Variants in MADD observed in about 807,000 individuals in gnomAD.
The protein encoded by MADD is MAP kinase-activating death domain protein.
Under a neutral mutation model 176.7 loss-of-function variants are expected in MADD, and 109 were observed. That is an observed-to-expected ratio of 0.62 (90% CI 0.53 to 0.72). MADD has a LOEUF of 0.72. MADD is among the 30% of genes least tolerant of loss of function. The pLI is 0.00. For synonymous variants in MADD, 771 were observed against 771.3 expected, an observed-to-expected ratio of 1.00 and a Z score of 0.01; for missense variants, 1,914 against 2,045.5, an observed-to-expected ratio of 0.94 and a Z score of 1.24.
chr11:47,301,970 G>A (rs2078098667), intron 22 of MADD, among the ~76,000 whole-genome samples: 1 of 152,152 alleles, frequency 6.6e-6, no homozygotes, highest in Non-Finnish European at 1.5e-5. Context: ...GGTCTAAAAT[G>A]CAATCTAAAT....
At chr11:47,308,386 A>G (rs746060000) in intron 22 of MADD, among the ~76,000 whole-genome samples, 1 of 152,238 alleles carries the variant, frequency 6.6e-6, no homozygotes, top group Non-Finnish European at 1.5e-5. Flanking sequence ...AGGAGTAAAG[A>G]TAAGTCAAAA....
rs1036369742 is a variant in MADD, at chr11:47,293,129, C to A, written c.3302-754C>A. ...TAGGATGGAGGTAGGCAGTGCCCAC[C>A]AAAACAGCTGGTGTTTCTTATCTCA... On this transcript the variant is annotated intron_variant, in intron 19 of 32. Transcript: ENST00000402192. 2.0e-5 allele frequency among the ~76,000 whole-genome samples: 3 copies of A among 152,034 alleles called. 1 individual carries two copies. Among genetic ancestry groups the A allele is most frequent in the Non-Finnish European group, 4.4e-5 (3 of 68,006 alleles).
At chr11:47,281,288 G>C (rs1199761438) in intron 7 of MADD, among the ~76,000 whole-genome samples, 1 of 152,184 alleles carries the variant, frequency 6.6e-6, no homozygotes, top group East Asian at 1.9e-4. Context: ...CGACTGTCGT[G>C]GACTTCAGAT....
At chr11:47,304,758 C>A (rs1000110179) in intron 22 of MADD, among the ~76,000 whole-genome samples, 1 of 151,868 alleles carries the variant, frequency 6.6e-6, no homozygotes, top group Non-Finnish European at 1.5e-5. Context: ...TCATTGGGGT[C>A]TATTACCAAA....
chr11:47,329,517 T>C (rs2095813920), exon 33 of MADD: 1 of 199,020 alleles, frequency 5.0e-6, no homozygotes, highest in Non-Finnish European at 1.0e-5. Flanking sequence ...CCCTTCTCTG[T>C]GACCCGGCAT....
intron 31 of MADD, chr11:47,327,284 G>T: frequency 6.0e-6 from 6 of 992,412 alleles, no homozygotes; most frequent in Non-Finnish European, 7.2e-6. Flanking sequence ...TCACTTGAGG[G>T]ACAGAGGAGT....
intron 27 of MADD, among the ~76,000 whole-genome samples, chr11:47,320,872 G>C (rs1044348478): frequency 6.6e-6 from 1 of 152,042 alleles, no homozygotes; most frequent in African/African-American, 2.4e-5. Context: ...AGTGAGCTCT[G>C]ATTACACCAC....
intron 1 of MADD, among the ~76,000 whole-genome samples, chr11:47,272,950 G>C (rs370160589): frequency 3.3e-5 from 5 of 152,196 alleles, no homozygotes; most frequent in South Asian, 2.1e-4. Flanking sequence ...TTGCCTGAAG[G>C]AGGGAGAAAA....
At chr11:47,289,426 G>A (rs1214760188) in exon 16 of MADD, 2 of 1,614,044 alleles carry the variant, frequency 1.2e-6, no homozygotes, top group Non-Finnish European at 1.7e-6. Context: ...GAAGTCATCT[G>A]TCATTAAACA....
At chr11:47,309,722 G>C (rs2086439794) in intron 25 of MADD, 110 bp downstream of exon 28, 1 of 754,248 alleles carries the variant, frequency 1.3e-6, no homozygotes, top group Non-Finnish European at 2.3e-6. Flanking sequence ...TCTTAACTTA[G>C]GGCTATCTTC....
chr11:47,293,710 A>G (rs2067496408), intron 19 of MADD, among the ~76,000 whole-genome samples, 173 bp from the exon 22 acceptor site: 1 of 152,126 alleles, frequency 6.6e-6, no homozygotes, highest in Admixed American at 6.5e-5. Flanking sequence ...CTTGGTTCTT[A>G]AGGCATCTGG....
chr11:47,317,846 T>A (rs1166737586), intron 27 of MADD, among the ~76,000 whole-genome samples: 1 of 152,024 alleles, frequency 6.6e-6, no homozygotes, highest in African/African-American at 2.4e-5. Context: ...CTCGGCTCAC[T>A]GCAACCTATA....
intron 27 of MADD, among the ~76,000 whole-genome samples, chr11:47,319,957 C>G (rs1195773262): frequency 7.3e-6 from 1 of 137,610 alleles, no homozygotes; most frequent in East Asian, 2.2e-4. Context: ...TGCCACTGCT[C>G]TCCAGCCTGG....
intron 31 of MADD, chr11:47,328,451 G>A: frequency 1.4e-6 from 2 of 1,447,748 alleles, no homozygotes; most frequent in Non-Finnish European, 1.8e-6. Context: ...TAGCTGAGGA[G>A]GCTAGGGCCA....
At chr11:47,291,867 G>C (rs1376806265) in intron 19 of MADD, among the ~76,000 whole-genome samples, 1 of 152,200 alleles carries the variant, frequency 6.6e-6, no homozygotes, top group African/African-American at 2.4e-5. Context: ...TGCTGTGGTT[G>C]CCATTCTGTC....
At chr11:47,327,827 C>T (rs1261420324) in intron 31 of MADD, 1 of 985,310 alleles carries the variant, frequency 1.0e-6, no homozygotes, top group Admixed American at 6.1e-5. Flanking sequence ...GATGCCAGGC[C>T]CCTCTGCTCC....
intron 19 of MADD, 66 bp from the exon 22 acceptor site, chr11:47,293,817 C>G: frequency 9.6e-7 from 1 of 1,040,816 alleles, no homozygotes; most frequent in Non-Finnish European, 1.5e-6. Context: ...TGCTGCCGTC[C>G]CACCCCCTTT....
chr11:47,290,434 C>A, intron 18 of MADD, 135 bp downstream of exon 19: 1 of 1,323,440 alleles, frequency 7.6e-7, no homozygotes, highest in Non-Finnish European at 1.0e-6. Flanking sequence ...ATTTTATTTT[C>A]TAATGCATGT....
intron 22 of MADD, among the ~76,000 whole-genome samples, chr11:47,307,867 A>G (rs2084317877): frequency 6.6e-6 from 1 of 152,152 alleles, no homozygotes; most frequent in Non-Finnish European, 1.5e-5. Flanking sequence ...ACAGGGTTTC[A>G]CCATGTTAGC....
Sources: allele counts gnomAD v4.1 joint callset (sites outside exome capture counted in the v4.1 genomes callset), GRCh38; gene constraint gnomAD v4.1.1; transcripts MANE v1.5; gene names NCBI Gene and HGNC (gene_info 2026-07-23, HGNC 2026-07-21).